MARK1: variants seen among roughly 807,000 people sequenced by gnomAD.
The protein encoded by MARK1 is serine/threonine-protein kinase MARK1.
MARK1 carries 40 observed loss-of-function variants against 96.3 expected under a neutral mutation model. The ratio of observed to expected loss-of-function variants is 0.42; its 90% CI spans 0.32 to 0.54. The LOEUF (loss-of-function observed/expected upper bound fraction) is 0.54. MARK1 is among the 20% of genes least tolerant of loss of function. MARK1 has a pLI of 0.16. For synonymous variants in MARK1, 317 were observed against 341.2 expected (o/e 0.93, Z 0.78); for missense variants, 719 against 984.6 (o/e 0.73, Z 3.61).
chr1:220,541,013 A>G (rs1280048180), intron 1 of MARK1, among the ~76,000 whole-genome samples: 1 of 151,854 alleles, frequency 6.6e-6, no homozygotes, highest in East Asian at 1.9e-4. Flanking sequence ...AGCTCACTGC[A>G]GCCTCTGCTT....
chr1:220,574,100 G>A (rs563118518), intron 1 of MARK1, among the ~76,000 whole-genome samples: 12 of 152,100 alleles, frequency 7.9e-5, no homozygotes, highest in Non-Finnish European at 1.5e-4. Context: ...ATATCTGTCT[G>A]TTCCTTCATG....
intron 3 of MARK1, among the ~76,000 whole-genome samples, chr1:220,582,846 C>CCAAATAGGCATATAAA (rs1344197542): frequency 5.3e-5 from 8 of 152,094 alleles, no homozygotes; most frequent in African/African-American, 1.9e-4. Flanking sequence ...AAAAATGATA[C>CCAAATAGGCATATAAA]AATTTTGTTT....
intron 1 of MARK1, among the ~76,000 whole-genome samples, chr1:220,574,651 C>T (rs76866808): frequency 0.015 from 2,357 of 152,252 alleles, 34 homozygotes; most frequent in Middle Eastern, 0.044. Flanking sequence ...TTTTTTATGG[C>T]TCTTCAGAGC....
intron 14 of MARK1, among the ~76,000 whole-genome samples, chr1:220,651,746 A>C (rs965652073): frequency 1.3e-5 from 2 of 152,184 alleles, no homozygotes; most frequent in African/African-American, 4.8e-5. Flanking sequence ...TTACATACAT[A>C]GTGTGTGTGA....
chr1:220,650,677 A>C lies in MARK1; in HGVS notation c.1528A>C (p.Thr510Pro), dbSNP rs143958059. The C allele has an allele frequency of 1.4e-5, 22 of 1,613,716 alleles. No homozygotes were observed. The highest frequency in any genetic ancestry group is 1.8e-5 in the Non-Finnish European group (21 of 1,179,792). The part of the protein sequence containing the change: ...ARRNTYVCER[T>P]TDRYVALQNG... The stretch of plus-strand genomic sequence containing the variant: ...AAGGAATACATATGTCTGTGAAAGG[A>C]CCACAGATCGATACGTAGCATTGCA... Residue 510 changes from threonine to proline, a missense_variant, in exon 14 of 18, where the codon ACC becomes CCC. By Grantham distance (38) the Thr-to-Pro change is conservative. This residue lies in a region of MARK1 where 501 missense variants were observed against 588.3 expected (regional missense o/e 0.85). Transcript: ENST00000366917.
chr1:220,608,879 T>G (rs1666255752), intron 6 of MARK1, among the ~76,000 whole-genome samples: 1 of 152,264 alleles, frequency 6.6e-6, no homozygotes, highest in Admixed American at 6.5e-5. Flanking sequence ...AGTGAGTTTC[T>G]TAATCCTGAG....
At chr1:220,621,639 T>C (rs997383857) in intron 9 of MARK1, among the ~76,000 whole-genome samples, 1 of 152,100 alleles carries the variant, frequency 6.6e-6, no homozygotes, top group African/African-American at 2.4e-5. Flanking sequence ...GTACCAACTT[T>C]GTATATTTTA....
intron 13 of MARK1, 129 bp downstream of exon 13, chr1:220,636,155 CA>C (rs1160041058): frequency 1.6e-6 from 1 of 618,242 alleles, no homozygotes; most frequent in African/African-American, 1.9e-5. Flanking sequence ...AAAGAACATG[CA>C]AAAGGGACCA....
chr1:220,557,187 A>G (rs1662326605), intron 1 of MARK1, among the ~76,000 whole-genome samples: 1 of 152,236 alleles, frequency 6.6e-6, no homozygotes, highest in African/African-American at 2.4e-5. Context: ...ATCAGCAATA[A>G]CAAATATTTT....
intron 1 of MARK1, among the ~76,000 whole-genome samples, chr1:220,535,753 A>G (rs1317059048): frequency 6.6e-6 from 1 of 152,116 alleles, no homozygotes; most frequent in African/African-American, 2.4e-5. Flanking sequence ...TCCCAGCACC[A>G]TTTGTTGAAA....
At chr1:220,553,060 G>A (rs776981385) in intron 1 of MARK1, among the ~76,000 whole-genome samples, 2 of 152,204 alleles carry the variant, frequency 1.3e-5, no homozygotes, top group Non-Finnish European at 2.9e-5. Flanking sequence ...GATGTATACA[G>A]CATGAGTCAT....
At chr1:220,590,849 C>T (rs546122292) in intron 3 of MARK1, among the ~76,000 whole-genome samples, 2 of 152,240 alleles carry the variant, frequency 1.3e-5, no homozygotes, top group South Asian at 4.1e-4. Context: ...TTGTCCAAAG[C>T]TGCTGAAGGA....
At chr1:220,573,453 A>C (rs1663612112) in intron 1 of MARK1, among the ~76,000 whole-genome samples, 1 of 152,112 alleles carries the variant, frequency 6.6e-6, no homozygotes, top group Non-Finnish European at 1.5e-5. Context: ...CCTCCTGAGT[A>C]GCGGGGACTA....
At chr1:220,637,136 G>C (rs1668010297) in intron 13 of MARK1, among the ~76,000 whole-genome samples, 3 of 152,166 alleles carry the variant, frequency 2.0e-5, no homozygotes, top group Admixed American at 2.0e-4. Flanking sequence ...AAACACCTTA[G>C]TTGGAGGAAG....
Position 220,564,288 on chromosome 1 carries a change from G to A in MARK1, c.52-15066G>A, listed in dbSNP as rs1662890202. 3.3e-5 allele frequency among the ~76,000 whole-genome samples: 5 copies of A among 152,018 alleles called. No homozygotes were observed. In the South Asian group the frequency reaches 1.0e-3, roughly 32 times the overall value. Reference sequence around the variant, plus strand: ...CTTTGTGACATCTAATGAGTATGAGGTACTGCACTGGGGAAGCCCAGTCGT... The same window carrying A: ...CTTTGTGACATCTAATGAGTATGAGATACTGCACTGGGGAAGCCCAGTCGT... On this transcript the variant is annotated intron_variant, in intron 1 of 17. Coordinates refer to ENST00000366917, the MANE Select transcript of MARK1 (RefSeq NM_018650.5).
intron 7 of MARK1, 113 bp downstream of exon 7, chr1:220,616,108 A>G (rs1666734831): frequency 6.7e-6 from 3 of 450,492 alleles, no homozygotes; most frequent in Non-Finnish European, 7.7e-6. Context: ...TGGACACTAT[A>G]CAAGTAGTTA....
In MARK1 at chr1:220,652,085, T is replaced by G. The variant is rs1668913701; in HGVS notation, c.1671T>G (p.Thr557=). 1.2e-6 allele frequency: 2 copies of G among 1,613,770 alleles called. No homozygotes were observed. Among genetic ancestry groups the G allele is most frequent in the African/African-American group, 1.3e-5 (1 of 75,030 alleles). Residue 557 remains threonine (T), a synonymous_variant, in exon 15 of 18, where the codon ACT becomes ACG. Coordinates refer to ENST00000366917, the MANE Select transcript of MARK1 (RefSeq NM_018650.5). ...ARPRHQKSMS[T]SGHPIKVTLP... Reference sequence around the variant, plus strand: ...CCCGCCACCAGAAGTCCATGTCCACTTCTGGTCATCCTATTAAAGTCACAC... The same window carrying G: ...CCCGCCACCAGAAGTCCATGTCCACGTCTGGTCATCCTATTAAAGTCACAC...
intron 9 of MARK1, among the ~76,000 whole-genome samples, chr1:220,619,537 A>G (rs528827156): frequency 1.3e-5 from 2 of 152,304 alleles, no homozygotes; most frequent in Non-Finnish European, 2.9e-5. Context: ...AAAATTTACA[A>G]ATATTTAAGT....
At chr1:220,593,411 G>A (rs557698893) in intron 3 of MARK1, among the ~76,000 whole-genome samples, 1 of 151,804 alleles carries the variant, frequency 6.6e-6, no homozygotes, top group African/African-American at 2.4e-5. Flanking sequence ...TTGACTTTCT[G>A]GAAAAAATTA....
Sources: allele counts gnomAD v4.1 joint callset (sites outside exome capture counted in the v4.1 genomes callset), GRCh38; gene constraint gnomAD v4.1.1; regional missense constraint gnomAD v4.1.1; transcripts MANE v1.5; gene names NCBI Gene and HGNC (gene_info 2026-07-23, HGNC 2026-07-21).